The following TMEM232 variants were observed in gnomAD, a reference collection of about 807,000 sequenced individuals.
TMEM232 encodes the protein transmembrane protein 232.
TMEM232 carries 80 observed loss-of-function variants against 78.8 expected under a neutral mutation model. That is an observed-to-expected ratio of 1.01 (90% CI 0.85 to 1.22). The LOEUF is 1.22. Among genes scored for constraint, TMEM232 ranks in the 50% most tolerant of loss-of-function variants. The pLI is 0.00. For missense variants in TMEM232, 881 were observed against 742.2 expected (o/e 1.19, Z -2.17); for synonymous variants, 297 against 254.3 (o/e 1.17, Z -1.60).
chr5:110,408,607 A>G (rs967744469), intron 2 of TMEM232, among the ~76,000 whole-genome samples: 3 of 152,044 alleles, frequency 2.0e-5, no homozygotes, highest in Non-Finnish European at 2.9e-5. Flanking sequence ...AAAACAAAAC[A>G]GAGACCCAAA....
At chr5:110,612,904 C>T (rs1782487805) in intron 8 of TMEM232, among the ~76,000 whole-genome samples, 1 of 152,002 alleles carries the variant, frequency 6.6e-6, no homozygotes, top group Non-Finnish European at 1.5e-5. Flanking sequence ...CAAATAGTGC[C>T]GTTTATAAAA....
At chr5:110,577,364 A>G (rs562691269) in intron 10 of TMEM232, among the ~76,000 whole-genome samples, 28 of 152,086 alleles carry the variant, frequency 1.8e-4, no homozygotes, top group Admixed American at 7.2e-4. Context: ...TGTTAAAAGT[A>G]AAAAAATAAC....
chr5:110,724,227 G>C (rs1797943323), intron 1 of TMEM232, among the ~76,000 whole-genome samples: 1 of 152,094 alleles, frequency 6.6e-6, no homozygotes, highest in African/African-American at 2.4e-5. Flanking sequence ...CCTGTGGCCA[G>C]AATACCCTTC....
intron 12 of TMEM232, among the ~76,000 whole-genome samples, chr5:110,473,009 C>T: frequency 6.6e-6 from 1 of 150,778 alleles, no homozygotes; most frequent in East Asian, 1.9e-4. Context: ...TAATATTGGT[C>T]TGGGCAAAGA....
At chr5:110,556,801 C>T (rs988620610) in intron 11 of TMEM232, among the ~76,000 whole-genome samples, 1 of 152,148 alleles carries the variant, frequency 6.6e-6, no homozygotes, top group East Asian at 1.9e-4. Flanking sequence ...TTCTTTCCTG[C>T]TGCCTTTAAC....
intron 2 of TMEM232, among the ~76,000 whole-genome samples, chr5:110,654,635 T>C (rs1388747510): frequency 2.6e-5 from 4 of 152,194 alleles, no homozygotes; most frequent in African/African-American, 9.6e-5. Context: ...ATGTGGGCTC[T>C]TTTTTGGTTC....
chr5:110,473,078 A>G (rs1363140635), intron 12 of TMEM232, among the ~76,000 whole-genome samples: 1 of 151,902 alleles, frequency 6.6e-6, no homozygotes, highest in Non-Finnish European at 1.5e-5. Context: ...AAAAGGACAA[A>G]TAAGATTATA....
intron 5 of TMEM232, among the ~76,000 whole-genome samples, chr5:110,630,016 T>C (rs528729234): frequency 6.6e-6 from 1 of 152,164 alleles, no homozygotes; most frequent in East Asian, 1.9e-4. Flanking sequence ...GCATCTTTGA[T>C]AATACCCTTT....
At chr5:110,500,308 G>A (rs56392154) in intron 12 of TMEM232, among the ~76,000 whole-genome samples, 10,697 of 129,778 alleles carry the variant, frequency 0.082, 1,185 homozygotes, top group African/African-American at 0.25. Context: ...AAAAAAAAAA[G>A]AAAGAAAGAA....
intron 8 of TMEM232, among the ~76,000 whole-genome samples, chr5:110,616,153 C>A (rs184325629): frequency 2.6e-5 from 4 of 151,922 alleles, no homozygotes; most frequent in African/African-American, 7.2e-5. Context: ...GGAAACATTG[C>A]AAAACTGGAT....
chr5:110,395,353 T>TTCTTCTG (rs1447641219), intron 3 of TMEM232, among the ~76,000 whole-genome samples: 1 of 152,166 alleles, frequency 6.6e-6, no homozygotes, highest in Non-Finnish European at 1.5e-5. Flanking sequence ...GATGAGTGAA[T>TTCTTCTG]TCTTCTGTCT....
intron 2 of TMEM232, among the ~76,000 whole-genome samples, chr5:110,652,294 G>GCACACACGCACACACACACA (rs1788441654): frequency 6.9e-6 from 1 of 145,360 alleles, no homozygotes; most frequent in Non-Finnish European, 1.5e-5. Flanking sequence ...GCACGCGCGC[G>GCACACACGCACACACACACA]CACACACACA....
intron 10 of TMEM232, among the ~76,000 whole-genome samples, chr5:110,594,206 G>A (rs1466237495): frequency 6.6e-6 from 1 of 151,904 alleles, no homozygotes; most frequent in African/African-American, 2.4e-5. Context: ...GCAATGGGCT[G>A]GGGAACTACC....
chr5:110,553,370 T>C (rs1774694378), intron 11 of TMEM232, among the ~76,000 whole-genome samples: 1 of 152,218 alleles, frequency 6.6e-6, no homozygotes, highest in South Asian at 2.1e-4. Context: ...GAGTGTGAAA[T>C]GCTTTGCCAT....
At chr5:110,483,613 G>T (rs982567305) in intron 12 of TMEM232, among the ~76,000 whole-genome samples, 5 of 152,124 alleles carry the variant, frequency 3.3e-5, no homozygotes, top group East Asian at 1.9e-4. Context: ...GTGGGGGAAG[G>T]GGGGAGGGAT....
intron 12 of TMEM232, among the ~76,000 whole-genome samples, chr5:110,464,831 T>C (rs1761905060): frequency 6.6e-6 from 1 of 152,174 alleles, no homozygotes; most frequent in Non-Finnish European, 1.5e-5. Flanking sequence ...TATCTATCTG[T>C]GTATCTATCT....
Position 110,577,859 on chromosome 5 carries a change from G to GAGA in TMEM232, c.1277-9235_1277-9234insTCT, listed in dbSNP as rs1777742558. 6.6e-5 allele frequency among the ~76,000 whole-genome samples: 10 copies of GAGA among 152,008 alleles called. No individual in the cohort carries two copies. In the South Asian group the frequency reaches 1.9e-3, roughly 28 times the overall value. On this transcript the variant is annotated intron_variant, in intron 10 of 13. Coordinates refer to ENST00000455884, the MANE Select transcript of TMEM232 (RefSeq NM_001039763.4). Reference sequence around the variant, plus strand: ...GACACAGAGAGGAACAACATACACTGGGGCCTTTTTGGAGGGTGGAGGGTG... The same window carrying GAGA: ...GACACAGAGAGGAACAACATACACTGAGAGGGCCTTTTTGGAGGGTGGAGGGTG...
At chr5:110,535,259 C>A (rs1479520186) in intron 11 of TMEM232, among the ~76,000 whole-genome samples, 1 of 152,094 alleles carries the variant, frequency 6.6e-6, no homozygotes, top group Non-Finnish European at 1.5e-5. Flanking sequence ...TAACTGATGA[C>A]ATTATCTTGT....
At chr5:110,436,692 AG>A (rs1758473403) in intron 12 of TMEM232, among the ~76,000 whole-genome samples, 1 of 152,110 alleles carries the variant, frequency 6.6e-6, no homozygotes, top group African/African-American at 2.4e-5. Flanking sequence ...CAGTTTTCCC[AG>A]CACCATTTAT....
Sources: gnomAD v4.1 joint callset for allele counts (sites outside exome capture counted in the v4.1 genomes callset) on GRCh38, gnomAD v4.1.1 for gene constraint, MANE v1.5 for transcripts, NCBI Gene and HGNC (gene_info 2026-07-23, HGNC 2026-07-21) for gene names.